Variants in TMPRSS9 observed in about 807,000 individuals in gnomAD.
The protein encoded by TMPRSS9 is transmembrane protease serine 9.
TMPRSS9 carries 113 observed loss-of-function variants against 111.4 expected under a neutral mutation model. The observed-to-expected ratio is 1.01, with a 90% CI of 0.87 to 1.19. The LOEUF (loss-of-function observed/expected upper bound fraction) is 1.19, where lower values mean the gene tolerates loss of function less well. TMPRSS9 is among the 50% of genes most tolerant of loss of function. The pLI, the probability that TMPRSS9 is intolerant of heterozygous loss-of-function variation, is 0.00. For missense variants in TMPRSS9, 1,803 were observed against 1,513.1 expected (o/e 1.19, Z -3.18); for synonymous variants, 805 against 659.1 (o/e 1.22, Z -3.39).
exon 11 of TMPRSS9, chr19:2,415,817 T>C: frequency 6.2e-7 from 1 of 1,601,216 alleles, no homozygotes; most frequent in Non-Finnish European, 8.5e-7. Context: ...CGCTGGCTGC[T>C]GTCTGCCGCC....
chr19:2,394,974 C>A (rs1435164027), intron 1 of TMPRSS9, among the ~76,000 whole-genome samples: 2 of 152,268 alleles, frequency 1.3e-5, no homozygotes, highest in East Asian at 3.9e-4. Flanking sequence ...CACAACACAG[C>A]CAACAGCTAA....
At chr19:2,419,895 C>G (rs557496717) in intron 13 of TMPRSS9, among the ~76,000 whole-genome samples, 1 of 152,218 alleles carries the variant, frequency 6.6e-6, no homozygotes, top group East Asian at 1.9e-4. Context: ...GGTGCAGTGC[C>G]TCATGCCTGT....
At chr19:2,368,800 TTA>T (rs1386730774) in intron 1 of TMPRSS9, among the ~76,000 whole-genome samples, 1,568 of 130,224 alleles carry the variant, frequency 0.012, 273 homozygotes, top group African/African-American at 0.043. Context: ...TTTTTTTTTT[TTA>T]AAGACAGAGT....
At chr19:2,379,310 C>T (rs916507138) in intron 1 of TMPRSS9, among the ~76,000 whole-genome samples, 10 of 151,596 alleles carry the variant, frequency 6.6e-5, no homozygotes, top group African/African-American at 2.2e-4. Context: ...CTCAGCCTCC[C>T]GAGTAGCTGG....
intron 1 of TMPRSS9, among the ~76,000 whole-genome samples, chr19:2,395,521 G>T (rs1476260827): frequency 6.6e-6 from 1 of 152,132 alleles, no homozygotes; most frequent in Non-Finnish European, 1.5e-5. Context: ...GAGGTCGGGA[G>T]TTTGAGACCA....
At chr19:2,367,764 T>C (rs1453700684) in intron 1 of TMPRSS9, among the ~76,000 whole-genome samples, 2 of 151,660 alleles carry the variant, frequency 1.3e-5, no homozygotes, top group African/African-American at 2.4e-5. Flanking sequence ...GGGGTTTCAC[T>C]GTGTTAGCCA....
Position 2,408,324 on chromosome 19 carries a change from G to C in TMPRSS9, c.843-32G>C, listed in dbSNP as rs72971471. 2,973 of 1,600,822 alleles carry C rather than the reference G, an allele frequency of 1.9e-3. 9 individuals are homozygous for C. The highest frequency in any genetic ancestry group is 5.2e-3 in the Middle Eastern group (29 of 5,610). ...GCCTCCCCCGACGGCTCTGACCCTC[G>C]GTGGCTTCTGAGCTGGGGTTTGCTC... is the stretch of plus-strand genomic sequence containing the variant. On this transcript the variant is annotated intron_variant, in intron 7 of 17. Coordinates refer to ENST00000648592, the Ensembl canonical transcript of TMPRSS9.
chr19:2,401,863 C>T, intron 4 of TMPRSS9, 112 bp from the exon 6 acceptor site: 2 of 720,062 alleles, frequency 2.8e-6, no homozygotes, highest in East Asian at 4.6e-5. Context: ...CCGCCTCAGC[C>T]TCCCAAAGTG....
chr19:2,398,227 C>T (rs896018775), intron 2 of TMPRSS9, among the ~76,000 whole-genome samples: 5 of 151,288 alleles, frequency 3.3e-5, no homozygotes, highest in African/African-American at 1.2e-4. Context: ...ACCTGAGAGA[C>T]GGAAGTTGCA....
At chr19:2,416,503 G>A (rs898239711) in intron 11 of TMPRSS9, 35 bp from the exon 13 acceptor site, 2 of 1,582,552 alleles carry the variant, frequency 1.3e-6, no homozygotes, top group African/African-American at 2.7e-5. Flanking sequence ...GCATGTGCTG[G>A]AGGGCAGGCA....
At chr19:2,368,774 G>GTTTTTTTTTTTTGTTTTTTTT (rs1970266146) in intron 1 of TMPRSS9, among the ~76,000 whole-genome samples, 1 of 70,366 alleles carries the variant, frequency 1.4e-5, no homozygotes, top group Non-Finnish European at 2.6e-5. Flanking sequence ...GATAAACCCA[G>GTTTTTTTTTTTTGTTTTTTTT]TTTTTTTTTT....
intron 13 of TMPRSS9, 119 bp from the exon 15 acceptor site, chr19:2,421,735 T>C (rs1971465789): frequency 8.8e-7 from 1 of 1,131,692 alleles, no homozygotes; most frequent in Non-Finnish European, 1.2e-6. Context: ...ACCCGCGCTG[T>C]GCCCTCTGCC....
At chr19:2,383,083 G>GT (rs760365315) in intron 1 of TMPRSS9, among the ~76,000 whole-genome samples, 14 of 152,206 alleles carry the variant, frequency 9.2e-5, no homozygotes, top group Non-Finnish European at 1.5e-4. Flanking sequence ...GCTTGGCGCA[G>GT]TGGCTCACGC....
intron 17 of TMPRSS9, 171 bp from the exon 19 acceptor site, chr19:2,425,756 T>A: frequency 8.6e-7 from 1 of 1,169,432 alleles, no homozygotes; most frequent in Non-Finnish European, 1.2e-6. Flanking sequence ...CGGGACCACG[T>A]GGCGGGTGTC....
At chr19:2,416,405 G>T (rs1356020581) in intron 11 of TMPRSS9, 133 bp from the exon 13 acceptor site, 2 of 1,210,372 alleles carry the variant, frequency 1.7e-6, no homozygotes, top group East Asian at 2.5e-5. Flanking sequence ...CCCTGGAGCC[G>T]AAGGTCAGAG....
At position 2,372,837 on chromosome 19, in the gene TMPRSS9, T is replaced by A. The variant is rs151319901; in HGVS notation, c.-26+12477T>A. On this transcript the variant is annotated intron_variant, in intron 1 of 17. Coordinates refer to the TMPRSS9 transcript ENST00000649857. ...CTAAACTTTTTTTAAATTAAAAAAA[T>A]TTATTTTTTCCTGAGACAAAGTCTT... is the stretch of plus-strand genomic sequence containing the variant. Among the ~76,000 whole-genome samples the A allele has an allele frequency of 3.7e-3, 557 of 152,240 alleles. 5 individuals carry two copies. Among genetic ancestry groups the A allele is most frequent in the African/African-American group, 0.012 (509 of 41,544 alleles).
chr19:2,417,766 C>G (rs1258259449), intron 12 of TMPRSS9, among the ~76,000 whole-genome samples: 1 of 152,186 alleles, frequency 6.6e-6, no homozygotes, highest in Non-Finnish European at 1.5e-5. Context: ...ACACCTTACC[C>G]AGGTGCTAGG....
rs762630103 is a variant in TMPRSS9 at position 2,402,048 on chromosome 19, T to A, written c.556+32T>A. 4 of 1,604,158 alleles carry A rather than the reference T, an allele frequency of 2.5e-6. No homozygotes were observed. In the Admixed American group the frequency reaches 5.0e-5, roughly 20 times the overall value. ...TTTTCTCTCTGGCCTTTTCTCTGATTGCAGTTACTGACAGAGGTTTCCTAA... is the reference window on the plus strand; with the variant it reads ...TTTTCTCTCTGGCCTTTTCTCTGATAGCAGTTACTGACAGAGGTTTCCTAA... On this transcript the variant is annotated intron_variant, in intron 5 of 17. Transcript: ENST00000648592.
At chr19:2,424,935 A>G in intron 15 of TMPRSS9, 67 bp from the exon 17 acceptor site, 3 of 1,365,932 alleles carry the variant, frequency 2.2e-6, no homozygotes, top group Non-Finnish European at 1.9e-6. Context: ...CCGCTGGGGG[A>G]CACCACAGGG....
Sources: gnomAD v4.1 joint callset for allele counts (sites outside exome capture counted in the v4.1 genomes callset) on GRCh38, gnomAD v4.1.1 for gene constraint, MANE v1.5 for transcripts, NCBI Gene and HGNC (gene_info 2026-07-23, HGNC 2026-07-21) for gene names.